The following RNFT2 variants were observed in gnomAD, a reference collection of about 807,000 sequenced individuals.
RNFT2 encodes the protein E3 ubiquitin-protein ligase RNFT2.
Under a neutral mutation model 53.0 loss-of-function variants are expected in RNFT2, and 36 were observed. The ratio of observed to expected loss-of-function variants is 0.68; its 90% CI spans 0.52 to 0.90. The LOEUF (loss-of-function observed/expected upper bound fraction) is 0.90, where lower values mean the gene tolerates loss of function less well. Ranked by LOEUF, RNFT2 falls within the 40% of genes least tolerant of loss-of-function variation. The pLI, the probability that RNFT2 is intolerant of heterozygous loss-of-function variation, is 0.00. For missense variants in RNFT2, 514 were observed against 585.6 expected, an observed-to-expected ratio of 0.88 and a Z score of 1.26; for synonymous variants, 260 against 253.2, an observed-to-expected ratio of 1.03 and a Z score of -0.26.
At chr12:116,779,416 T>C (rs1873591438) in intron 7 of RNFT2, 68 bp downstream of exon 7, 4 of 1,553,222 alleles carry the variant, frequency 2.6e-6, no homozygotes, top group Non-Finnish European at 3.5e-6. Context: ...CAGGGTGCCT[T>C]CTGAGGAGGA....
intron 8 of RNFT2, among the ~76,000 whole-genome samples, chr12:116,834,568 TC>T (rs1385479602): frequency 1.3e-5 from 2 of 152,084 alleles, no homozygotes; most frequent in Non-Finnish European, 1.5e-5. Context: ...TCTTCCAACC[TC>T]CCCTTCCCCC....
intron 7 of RNFT2, among the ~76,000 whole-genome samples, chr12:116,809,203 A>G (rs1164610034): frequency 2.0e-5 from 3 of 152,030 alleles, no homozygotes; most frequent in African/African-American, 7.3e-5. Flanking sequence ...TCATTCATTC[A>G]TTCATTCATT....
intron 10 of RNFT2, among the ~76,000 whole-genome samples, chr12:116,843,874 G>C (rs1592993419): frequency 6.6e-6 from 1 of 152,116 alleles, no homozygotes; most frequent in Non-Finnish European, 1.5e-5. Context: ...CCATTCATTT[G>C]TCCTCTCCAT....
At chr12:116,841,958 T>TATAAATATATATATAAATATATAGAG (rs1274083737) in intron 10 of RNFT2, among the ~76,000 whole-genome samples, 1 of 6,384 alleles carries the variant, frequency 1.6e-4, no homozygotes, top group East Asian at 3.2e-3. Context: ...AATATATATA[T>TATAAATATATATATAAATATATAGAG]AGAGAGAGAG....
At chr12:116,843,197 A>T (rs570090815) in intron 10 of RNFT2, among the ~76,000 whole-genome samples, 1 of 152,268 alleles carries the variant, frequency 6.6e-6, no homozygotes, top group East Asian at 1.9e-4. Context: ...GGGGGCAGTT[A>T]ACAATCCAAG....
chr12:116,815,922 C>T (rs1447369522), intron 7 of RNFT2, among the ~76,000 whole-genome samples: 1 of 152,162 alleles, frequency 6.6e-6, no homozygotes, highest in Admixed American at 6.5e-5. Flanking sequence ...GGCTCCAGAC[C>T]ACCAGGAAAG....
intron 7 of RNFT2, among the ~76,000 whole-genome samples, chr12:116,787,928 TTTTG>T (rs1382966622): frequency 7.9e-5 from 12 of 152,078 alleles, no homozygotes; most frequent in Non-Finnish European, 1.6e-4. Flanking sequence ...TTTGCTTCTT[TTTTG>T]TTTGTTTGTT....
chr12:116,848,130 G>A (rs553469715), intron 10 of RNFT2, among the ~76,000 whole-genome samples: 1 of 152,122 alleles, frequency 6.6e-6, no homozygotes, highest in Non-Finnish European at 1.5e-5. Context: ...GTTTGCTGAG[G>A]ATAATGGCTT....
At position 116,779,366 on chromosome 12, in the gene RNFT2, C is replaced by G. The variant is rs561571904; in HGVS notation, c.882+18C>G. On this transcript the variant is annotated intron_variant, in intron 7 of 10. Coordinates refer to ENST00000257575, the MANE Select transcript of RNFT2 (RefSeq NM_001382266.1). ...AGTCCAAGGTAGGCACTGGCTGCGG[C>G]CACAAGGTAGCCCCAGTCACATGGA... 6.2e-7 allele frequency: 1 copy of G among 1,613,502 alleles called. No homozygotes were observed. The highest frequency in any genetic ancestry group is 1.7e-5 in the Admixed American group (1 of 59,992).
At chr12:116,814,863 CA>C (rs1875571060) in intron 7 of RNFT2, among the ~76,000 whole-genome samples, 1 of 152,076 alleles carries the variant, frequency 6.6e-6, no homozygotes, top group Admixed American at 6.6e-5. Context: ...ATTTTTAGTA[CA>C]GATGGTGTTT....
chr12:116,753,148 C>CTTTTTTTTTTTTTTTTT (rs11377177), intron 4 of RNFT2, among the ~76,000 whole-genome samples: 3 of 93,688 alleles, frequency 3.2e-5, no homozygotes, highest in African/African-American at 4.4e-5. Flanking sequence ...TTTTCTTTTT[C>CTTTTTTTTTTTTTTTTT]TTTTTTTTTT....
intron 5 of RNFT2, among the ~76,000 whole-genome samples, chr12:116,761,053 CCTT>C (rs1384660442): frequency 1.3e-5 from 2 of 152,106 alleles, no homozygotes; most frequent in African/African-American, 4.8e-5. Flanking sequence ...CCTGAATGTT[CCTT>C]CTTTCTCCCC....
chr12:116,783,984 T>C (rs552824863), intron 7 of RNFT2, among the ~76,000 whole-genome samples: 1 of 152,346 alleles, frequency 6.6e-6, no homozygotes, highest in South Asian at 2.1e-4. Context: ...GGTCCTGTTA[T>C]TACCACCATC....
intron 7 of RNFT2, among the ~76,000 whole-genome samples, chr12:116,832,146 A>ATATATATATATATAT (rs59112507): frequency 6.9e-4 from 49 of 71,042 alleles, no homozygotes; most frequent in African/African-American, 1.4e-3. Context: ...AAAAAAAAAA[A>ATATATATATATATAT]AAATATATAT....
intron 7 of RNFT2, among the ~76,000 whole-genome samples, chr12:116,797,582 G>C (rs961769161): frequency 1.3e-5 from 2 of 151,946 alleles, no homozygotes; most frequent in African/African-American, 2.4e-5. Flanking sequence ...GGTCACTAGT[G>C]ATGCAAGGCA....
intron 7 of RNFT2, among the ~76,000 whole-genome samples, chr12:116,797,308 C>T (rs1874547494): frequency 6.6e-6 from 1 of 152,120 alleles, no homozygotes; most frequent in South Asian, 2.1e-4. Context: ...TCCTGTAATC[C>T]CAGCACTTTG....
In RNFT2 at chr12:116,841,898, TATATATATAAATATATATATAA is replaced by T. The variant is rs1565876197; in HGVS notation, c.1200+5618_1200+5639del. On this transcript the variant is annotated intron_variant, in intron 10 of 10. Coordinates refer to ENST00000257575, the MANE Select transcript of RNFT2 (RefSeq NM_001382266.1). ...ATATATATAAATATATATAAAAATA[TATATATATAAATATATATATAA>T]AAATATATATATATAAATATATATA... Among the ~76,000 whole-genome samples, 29 of 37,196 alleles carry T rather than the reference TATATATATAAATATATATATAA, an allele frequency of 7.8e-4. 2 individuals are homozygous for T. The South Asian group carries it at 0.018, about 23-fold the overall frequency. 24.4% of individuals were successfully genotyped at this position (37,196 alleles called of 152,430 possible).
rs138431200 is a variant in RNFT2 at position 116,832,130 on chromosome 12, C to CAA, written c.883-1644_883-1643dup. On this transcript the variant is annotated intron_variant, in intron 7 of 10. Transcript: ENST00000257575. ...TGGGCAACATAGCAAGACCTTGTCTCAAAAAAAAAAAAAAAAAAATATATA... is the reference window on the plus strand; with the variant it reads ...TGGGCAACATAGCAAGACCTTGTCTCAAAAAAAAAAAAAAAAAAAAATATATA... 9.7e-4 allele frequency among the ~76,000 whole-genome samples: 92 copies of CAA among 95,324 alleles called. 1 individual carries two copies. Among genetic ancestry groups the CAA allele is most frequent in the African/African-American group, 3.8e-3 (85 of 22,420 alleles). 62.5% of individuals were successfully genotyped at this position (95,324 alleles called of 152,430 possible). A position where few individuals can be genotyped will look rare whatever the true frequency, so the allele number is the denominator to read the frequency against.
At chr12:116,740,015 G>A (rs892259970) in intron 1 of RNFT2, among the ~76,000 whole-genome samples, 1 of 152,076 alleles carries the variant, frequency 6.6e-6, no homozygotes, top group Non-Finnish European at 1.5e-5. Flanking sequence ...AGACCAGCCT[G>A]GCCAATATGG....
Sources: allele counts gnomAD v4.1 joint callset (sites outside exome capture counted in the v4.1 genomes callset), GRCh38; gene constraint gnomAD v4.1.1; transcripts MANE v1.5; gene names NCBI Gene and HGNC (gene_info 2026-07-23, HGNC 2026-07-21).